Variants in NEGR1 observed in about 807,000 individuals in gnomAD.
NEGR1 encodes the protein neuronal growth regulator 1.
In NEGR1, 10 loss-of-function variants were observed where a neutral mutation model predicts 40.9. That is an observed-to-expected ratio of 0.24 (90% CI 0.15 to 0.42). The LOEUF is 0.42. Ranked by LOEUF, NEGR1 falls within the 10% of genes least tolerant of loss-of-function variation. The pLI is 1.00. For synonymous variants in NEGR1, 185 were observed against 166.8 expected, an observed-to-expected ratio of 1.11 and a Z score of -0.84; for missense variants, 352 against 438.9, an observed-to-expected ratio of 0.80 and a Z score of 1.77.
intron 1 of NEGR1, among the ~76,000 whole-genome samples, chr1:71,981,452 T>C (rs1209686564): frequency 6.6e-6 from 1 of 152,136 alleles, no homozygotes; most frequent in Non-Finnish European, 1.5e-5. Context: ...TGAAGGAACT[T>C]GAACATCATG....
intron 1 of NEGR1, among the ~76,000 whole-genome samples, chr1:72,046,737 C>T (rs777214207): frequency 6.6e-6 from 1 of 151,444 alleles, no homozygotes; most frequent in Non-Finnish European, 1.5e-5. Flanking sequence ...TGTTTTACTA[C>T]AACAGAATAA....
At chr1:72,038,403 C>T (rs1450870796) in intron 1 of NEGR1, among the ~76,000 whole-genome samples, 1 of 151,910 alleles carries the variant, frequency 6.6e-6, no homozygotes, top group Non-Finnish European at 1.5e-5. Flanking sequence ...TTTCTTCCAC[C>T]ATGCCATGAT....
At chr1:71,599,418 T>C (rs1402802371) in intron 5 of NEGR1, among the ~76,000 whole-genome samples, 1 of 152,188 alleles carries the variant, frequency 6.6e-6, no homozygotes, top group African/African-American at 2.4e-5. Context: ...ATCTAAGCTT[T>C]TCACAGATTT....
At chr1:71,767,054 A>G (rs1422872340) in intron 3 of NEGR1, among the ~76,000 whole-genome samples, 1 of 152,204 alleles carries the variant, frequency 6.6e-6, no homozygotes, top group East Asian at 1.9e-4. Context: ...AGTCTCGGGT[A>G]TTTCTTTATA....
rs1646251456 is a variant in NEGR1 at position 71,970,961 on chromosome 1, A to T, written c.177-35650T>A. Among the ~76,000 whole-genome samples, 5 of 152,212 alleles carry T rather than the reference A, an allele frequency of 3.3e-5. No homozygotes were observed. The South Asian group carries it at 1.0e-3, about 32-fold the overall frequency. On this transcript the variant is annotated intron_variant, in intron 1 of 6. Coordinates refer to ENST00000357731, the MANE Select transcript of NEGR1 (RefSeq NM_173808.3). Reference sequence around the variant, plus strand: ...ATTTGACTCAAAACCTCAGAATTTTACCTTATTAGGAAAGAGGGTCTTTAC... The same window carrying T: ...ATTTGACTCAAAACCTCAGAATTTTTCCTTATTAGGAAAGAGGGTCTTTAC...
At chr1:71,857,668 T>G (rs962225709) in intron 2 of NEGR1, among the ~76,000 whole-genome samples, 17 of 144,038 alleles carry the variant, frequency 1.2e-4, no homozygotes, top group African/African-American at 4.4e-4. Context: ...TGAACCACAA[T>G]CTTCCTTGGA....
intron 2 of NEGR1, among the ~76,000 whole-genome samples, chr1:71,814,803 T>G (rs986668673): frequency 6.6e-6 from 1 of 152,122 alleles, no homozygotes; most frequent in Non-Finnish European, 1.5e-5. Context: ...ATTCTCTTTT[T>G]TCTTCTTTAT....
chr1:71,431,819 T>G (rs2101296254), intron 6 of NEGR1, among the ~76,000 whole-genome samples: 1 of 152,258 alleles, frequency 6.6e-6, no homozygotes, highest in Admixed American at 6.5e-5. Context: ...GAAAATAAAT[T>G]TAGAGACTTT....
intron 1 of NEGR1, among the ~76,000 whole-genome samples, chr1:72,007,440 T>C: frequency 6.6e-6 from 1 of 152,000 alleles, no homozygotes; most frequent in Admixed American, 6.6e-5. Context: ...ACCAATTTTC[T>C]GGGTCAAGCT....
intron 5 of NEGR1, among the ~76,000 whole-genome samples, chr1:71,607,449 C>A (rs1238929805): frequency 1.3e-5 from 2 of 152,174 alleles, no homozygotes; most frequent in Non-Finnish European, 2.9e-5. Context: ...AACCCATGGA[C>A]TCTGCATGAA....
chr1:71,851,118 T>C (rs1659585605), intron 2 of NEGR1, among the ~76,000 whole-genome samples: 1 of 152,166 alleles, frequency 6.6e-6, no homozygotes, highest in Non-Finnish European at 1.5e-5. Context: ...GCTATCTACA[T>C]GACAGCAAAG....
At chr1:72,088,407 C>T (rs149205604) in intron 1 of NEGR1, among the ~76,000 whole-genome samples, 12 of 152,180 alleles carry the variant, frequency 7.9e-5, no homozygotes, top group East Asian at 7.7e-4. Flanking sequence ...TCACAGTAGA[C>T]GACCATTACG....
At chr1:71,716,182 G>C (rs1030333274) in intron 3 of NEGR1, among the ~76,000 whole-genome samples, 9 of 152,086 alleles carry the variant, frequency 5.9e-5, no homozygotes, top group African/African-American at 1.9e-4. Context: ...CAAATCTCAT[G>C]AGAACTCACT....
Position 72,022,260 on chromosome 1 carries a change from C to CATATAT in NEGR1, c.177-86955_177-86950dup, listed in dbSNP as rs59160727. 7.5e-3 allele frequency among the ~76,000 whole-genome samples: 832 copies of CATATAT among 111,398 alleles called. 4 individuals are homozygous for CATATAT. Among genetic ancestry groups the CATATAT allele is most frequent in the Non-Finnish European group, 9.0e-3 (466 of 51,836 alleles). 73.1% of individuals were successfully genotyped at this position (111,398 alleles called of 152,430 possible). On this transcript the variant is annotated intron_variant, in intron 1 of 6. Coordinates refer to ENST00000357731, the MANE Select transcript of NEGR1 (RefSeq NM_173808.3). ...ACAATAGAAAATTATAAACAATTTT[C>CATATAT]ATATATATATATATATATATATATA...
chr1:71,452,357 T>G (rs908699638), intron 6 of NEGR1, among the ~76,000 whole-genome samples: 3 of 152,204 alleles, frequency 2.0e-5, no homozygotes, highest in Admixed American at 2.0e-4. Flanking sequence ...AGTAGTAATC[T>G]ACATTGCTAC....
At chr1:71,930,520 CCTAT>C (rs1290081998) in intron 2 of NEGR1, among the ~76,000 whole-genome samples, 8 of 152,204 alleles carry the variant, frequency 5.3e-5, no homozygotes, top group Non-Finnish European at 8.8e-5. Flanking sequence ...TTTTGTTCTT[CCTAT>C]CTATCTTGGT....
intron 2 of NEGR1, among the ~76,000 whole-genome samples, chr1:71,929,182 T>C (rs540798832): frequency 1.1e-4 from 16 of 152,202 alleles, no homozygotes; most frequent in Admixed American, 4.6e-4. Flanking sequence ...CAAAAAAACA[T>C]GGACAATTTT....
At chr1:72,031,157 C>T (rs1164026523) in intron 1 of NEGR1, among the ~76,000 whole-genome samples, 1 of 152,106 alleles carries the variant, frequency 6.6e-6, no homozygotes, top group Admixed American at 6.6e-5. Context: ...CTTATGCAGC[C>T]GCAGAAGAGG....
intron 3 of NEGR1, among the ~76,000 whole-genome samples, chr1:71,768,986 C>T (rs1006540232): frequency 3.3e-5 from 5 of 152,096 alleles, no homozygotes; most frequent in African/African-American, 1.2e-4. Flanking sequence ...CTATAAGTTT[C>T]CTGAGGCCTC....
Sources: allele counts gnomAD v4.1 joint callset (sites outside exome capture counted in the v4.1 genomes callset), GRCh38; gene constraint gnomAD v4.1.1; transcripts MANE v1.5; gene names NCBI Gene and HGNC (gene_info 2026-07-23, HGNC 2026-07-21).